The following CYP19A1 variants were observed in gnomAD, a reference collection of about 807,000 sequenced individuals.
CYP19A1 encodes the protein cytochrome P450 family 19 subfamily A member 1, also known as aromatase.
Under a neutral mutation model 44.4 loss-of-function variants are expected in CYP19A1, and 32 were observed. That is an observed-to-expected ratio of 0.72 (90% CI 0.54 to 0.97). The LOEUF is 0.97. Ranked by LOEUF, CYP19A1 falls within the 50% of genes least tolerant of loss-of-function variation. The probability of loss-of-function intolerance (pLI) is 0.00; values close to 1 mark genes in which losing one functional copy is unlikely to be tolerated. For synonymous variants in CYP19A1, 212 were observed against 215.6 expected, an observed-to-expected ratio of 0.98 and a Z score of 0.14; for missense variants, 598 against 637.8, an observed-to-expected ratio of 0.94 and a Z score of 0.67.
intron 1 of CYP19A1, among the ~76,000 whole-genome samples, chr15:51,285,971 AC>A (rs2035685767): frequency 6.6e-6 from 1 of 152,104 alleles, no homozygotes; most frequent in Non-Finnish European, 1.5e-5. Context: ...TAAACACCTT[AC>A]TTGCCCCCCA....
chr15:51,266,887 A>G (rs1327343576), intron 1 of CYP19A1, among the ~76,000 whole-genome samples: 12 of 152,194 alleles, frequency 7.9e-5, no homozygotes, highest in Non-Finnish European at 1.3e-4. Flanking sequence ...ATTGCCAGTG[A>G]GCTTTACACA....
intron 1 of CYP19A1, among the ~76,000 whole-genome samples, chr15:51,302,674 C>T (rs1282972489): frequency 3.3e-5 from 5 of 152,206 alleles, no homozygotes; most frequent in African/African-American, 9.7e-5. Context: ...TCATAACTAG[C>T]ACCACCTCCA....
At chr15:51,287,853 G>C (rs2035743802) in intron 1 of CYP19A1, among the ~76,000 whole-genome samples, 2 of 152,210 alleles carry the variant, frequency 1.3e-5, no homozygotes, top group Admixed American at 1.3e-4. Context: ...GCATCTTACA[G>C]CTGAGTTGAA....
chr15:51,227,537 G>A (rs946969346), intron 4 of CYP19A1, among the ~76,000 whole-genome samples: 3 of 151,888 alleles, frequency 2.0e-5, no homozygotes, highest in African/African-American at 7.3e-5. Flanking sequence ...AGGCATGGTG[G>A]TGCACATCTG....
intron 1 of CYP19A1, chr15:51,293,724 T>G: frequency 6.3e-6 from 1 of 159,926 alleles, no homozygotes; most frequent in Non-Finnish European, 1.4e-5. Flanking sequence ...GCCTGACTGT[T>G]TTTCGTACTT....
chr15:51,209,439 C>T lies in CYP19A1; in HGVS notation c.*1369G>A, dbSNP rs1310923479. On this transcript the variant is annotated 3_prime_UTR_variant, in exon 10 of 10. Transcript: ENST00000396402. Reference sequence around the variant, plus strand: ...TAGACAGTAGGATGAAAAGAACAGTCAAATGGGATGGCAATGGATTCAATG... The same window carrying T: ...TAGACAGTAGGATGAAAAGAACAGTTAAATGGGATGGCAATGGATTCAATG... 1.3e-5 allele frequency: 2 copies of T among 152,126 alleles called. No individual in the cohort carries two copies. The highest frequency in any genetic ancestry group is 2.9e-5 in the Non-Finnish European group (2 of 68,016). The allele number at this position is 152,126 out of a possible 1,614,324, so 9.4% of individuals were successfully genotyped here.
intron 1 of CYP19A1, chr15:51,318,815 C>T (rs2036476150): frequency 6.6e-6 from 1 of 152,208 alleles, no homozygotes; most frequent in Non-Finnish European, 1.5e-5. Context: ...GTCATTAGAA[C>T]AGAATCTTCT....
chr15:51,327,855 T>G (rs1227397312), intron 1 of CYP19A1, among the ~76,000 whole-genome samples: 1 of 151,258 alleles, frequency 6.6e-6, no homozygotes, highest in Non-Finnish European at 1.5e-5. Flanking sequence ...TACCTACACA[T>G]AAAATTTCCT....
intron 1 of CYP19A1, among the ~76,000 whole-genome samples, chr15:51,294,839 G>C (rs1237269273): frequency 6.6e-6 from 1 of 152,106 alleles, no homozygotes; most frequent in African/African-American, 2.4e-5. Context: ...AGCTCATTGA[G>C]AACGGGCCAT....
At chr15:51,333,966 T>C (rs1240125425) in intron 1 of CYP19A1, among the ~76,000 whole-genome samples, 1 of 152,212 alleles carries the variant, frequency 6.6e-6, no homozygotes, top group African/African-American at 2.4e-5. Context: ...AGATGACAGT[T>C]CCCCTACATG....
chr15:51,310,153 A>G (rs920517592), intron 1 of CYP19A1, among the ~76,000 whole-genome samples: 2 of 152,204 alleles, frequency 1.3e-5, no homozygotes, highest in African/African-American at 4.8e-5. Context: ...TCTAGTTCCA[A>G]CCAAATGGAA....
At chr15:51,233,808 T>A (rs554099294) in intron 3 of CYP19A1, among the ~76,000 whole-genome samples, 1 of 152,328 alleles carries the variant, frequency 6.6e-6, no homozygotes, top group Non-Finnish European at 1.5e-5. Flanking sequence ...GGACATATAG[T>A]GTCATACGCA....
intron 1 of CYP19A1, among the ~76,000 whole-genome samples, chr15:51,246,971 C>T (rs2034085749): frequency 6.6e-6 from 1 of 152,254 alleles, no homozygotes; most frequent in South Asian, 2.1e-4. Flanking sequence ...CTGATCGCAC[C>T]AAAACCTGTC....
chr15:51,255,459 G>T (rs1441383745), intron 1 of CYP19A1: 6 of 152,164 alleles, frequency 3.9e-5, no homozygotes, highest in African/African-American at 1.4e-4. Context: ...TAATTAAAAG[G>T]AATCTTTACT....
At chr15:51,326,298 T>C (rs1023547544) in intron 1 of CYP19A1, among the ~76,000 whole-genome samples, 2 of 152,142 alleles carry the variant, frequency 1.3e-5, no homozygotes, top group Admixed American at 6.5e-5. Flanking sequence ...AGCTTCCAAG[T>C]GGCCAGAGGC....
At chr15:51,309,329 A>G (rs968532842) in intron 1 of CYP19A1, among the ~76,000 whole-genome samples, 2 of 152,284 alleles carry the variant, frequency 1.3e-5, no homozygotes, top group African/African-American at 2.4e-5. Flanking sequence ...TGAGAAATAA[A>G]TGTTTGTTGG....
chr15:51,229,789 T>G (rs1233585673), intron 3 of CYP19A1, among the ~76,000 whole-genome samples: 1 of 152,230 alleles, frequency 6.6e-6, no homozygotes, highest in Non-Finnish European at 1.5e-5. Context: ...CAAACTAATA[T>G]TTAAAAATTT....
In CYP19A1 at chr15:51,227,810, G is replaced by T. The variant is rs1006451038; in HGVS notation, c.420C>A (p.Leu140=). 1 of 1,549,608 alleles carries T rather than the reference G, an allele frequency of 6.5e-7. No individual in the cohort carries two copies. Among genetic ancestry groups the T allele is most frequent in the South Asian group, 1.1e-5 (1 of 89,732 alleles). Residue 140 remains leucine (L), a synonymous_variant, in exon 4 of 10, where the codon CTC becomes CTA. Transcript: ENST00000396402. ...TAAAGAAGGGTCGAGTTGTTTTCCA[G>T]AGCTCTGGATTGTTGTTAAATATGA... ...KGIIFNNNPE[L]WKTTRPFFMK...
chr15:51,228,801 C>A (rs570594182), intron 3 of CYP19A1, among the ~76,000 whole-genome samples: 3 of 152,306 alleles, frequency 2.0e-5, no homozygotes, highest in East Asian at 3.9e-4. Context: ...TACAAAATTT[C>A]ATGTATTAAT....
Sources: gnomAD v4.1 joint callset for allele counts (sites outside exome capture counted in the v4.1 genomes callset) on GRCh38, gnomAD v4.1.1 for gene constraint, MANE v1.5 for transcripts, NCBI Gene and HGNC (gene_info 2026-07-23, HGNC 2026-07-21) for gene names.